Variants in SUCLG2 observed in about 807,000 individuals in gnomAD.
SUCLG2 encodes succinate-CoA ligase GDP-forming subunit beta.
Under a neutral mutation model 47.9 loss-of-function variants are expected in SUCLG2, and 42 were observed. The observed-to-expected ratio is 0.88, with a 90% confidence interval of 0.69 to 1.14. The LOEUF is 1.14. Among genes scored for constraint, SUCLG2 ranks in the 50% most tolerant of loss-of-function variants. The pLI is 0.00. For synonymous variants in SUCLG2, 195 were observed against 197.3 expected, an observed-to-expected ratio of 0.99 and a Z score of 0.10; for missense variants, 571 against 525.9, an observed-to-expected ratio of 1.09 and a Z score of -0.84.
chr3:67,568,755 C>T (rs1437147739), intron 2 of SUCLG2, among the ~76,000 whole-genome samples: 8 of 152,074 alleles, frequency 5.3e-5, no homozygotes, highest in Non-Finnish European at 2.9e-5. Context: ...GGCGTGGTAG[C>T]GGGCGCCTGT....
intron 2 of SUCLG2, among the ~76,000 whole-genome samples, chr3:67,595,293 A>G (rs1708268877): frequency 6.6e-6 from 1 of 152,202 alleles, no homozygotes. Context: ...GTGTAATGTG[A>G]AACACAACAG....
chr3:67,609,434 A>G, intron 2 of SUCLG2, 21 bp downstream of exon 2: 1 of 1,605,292 alleles, frequency 6.2e-7, no homozygotes, highest in Non-Finnish European at 8.5e-7. Flanking sequence ...AGTGTATTTC[A>G]CCCATTATGA....
intron 2 of SUCLG2, among the ~76,000 whole-genome samples, chr3:67,549,864 T>C (rs1052782029): frequency 6.6e-6 from 1 of 152,108 alleles, no homozygotes; most frequent in Non-Finnish European, 1.5e-5. Context: ...CTTTTTTTTT[T>C]AAACTGCAAA....
At chr3:67,413,289 A>C (rs1182001957) in intron 9 of SUCLG2, among the ~76,000 whole-genome samples, 1 of 152,200 alleles carries the variant, frequency 6.6e-6, no homozygotes, top group Non-Finnish European at 1.5e-5. Flanking sequence ...TTAGCCACAA[A>C]CAAAACTAAG....
chr3:67,366,664 C>T (rs1002723378), intron 10 of SUCLG2, among the ~76,000 whole-genome samples: 4 of 152,116 alleles, frequency 2.6e-5, no homozygotes, highest in Admixed American at 6.5e-5. Flanking sequence ...ACCTGAAGCT[C>T]ACCAGCCATA....
At chr3:67,630,245 T>G (rs1700903018) in intron 1 of SUCLG2, among the ~76,000 whole-genome samples, 1 of 152,318 alleles carries the variant, frequency 6.6e-6, no homozygotes, top group East Asian at 1.9e-4. Context: ...CATTATGTTG[T>G]TTAATATTAC....
At chr3:67,617,063 C>A (rs1211033071) in intron 1 of SUCLG2, among the ~76,000 whole-genome samples, 1 of 152,132 alleles carries the variant, frequency 6.6e-6, no homozygotes, top group Admixed American at 6.5e-5. Context: ...GATAAATCTA[C>A]CTTAGTCACG....
chr3:67,618,474 C>A (rs571855256), intron 1 of SUCLG2, among the ~76,000 whole-genome samples: 1 of 152,218 alleles, frequency 6.6e-6, no homozygotes, highest in South Asian at 2.1e-4. Context: ...CTCATTTGAA[C>A]TAGGTTATCC....
chr3:67,611,618 T>C (rs2107316897), intron 1 of SUCLG2, among the ~76,000 whole-genome samples: 1 of 152,310 alleles, frequency 6.6e-6, no homozygotes, highest in South Asian at 2.1e-4. Context: ...ATAGATTATG[T>C]CTACGTTGAC....
At chr3:67,564,562 T>A (rs939018603) in intron 2 of SUCLG2, among the ~76,000 whole-genome samples, 3 of 152,286 alleles carry the variant, frequency 2.0e-5, no homozygotes, top group Admixed American at 6.5e-5. Context: ...GTCTTAATCA[T>A]CTGTGTTTCA....
intron 9 of SUCLG2, among the ~76,000 whole-genome samples, chr3:67,475,581 A>G (rs569049195): frequency 6.6e-6 from 1 of 152,266 alleles, no homozygotes; most frequent in African/African-American, 2.4e-5. Flanking sequence ...TGTGGTCCAA[A>G]CCTTTAAATC....
intron 2 of SUCLG2, among the ~76,000 whole-genome samples, chr3:67,533,706 C>T (rs897249152): frequency 2.0e-5 from 3 of 152,082 alleles, no homozygotes; most frequent in Non-Finnish European, 4.4e-5. Context: ...GTTTGCGTTA[C>T]GACTTCAGAA....
At chr3:67,521,602 T>A (rs1395058998) in intron 4 of SUCLG2, among the ~76,000 whole-genome samples, 1 of 150,564 alleles carries the variant, frequency 6.6e-6, no homozygotes, top group Non-Finnish European at 1.5e-5. Context: ...TTTTTTTTAA[T>A]CTTTTTTTTT....
At chr3:67,531,414 A>C (rs888804251) in intron 2 of SUCLG2, among the ~76,000 whole-genome samples, 13 of 152,302 alleles carry the variant, frequency 8.5e-5, no homozygotes, top group African/African-American at 3.1e-4. Context: ...AGAATACCTA[A>C]TTGGGCATTG....
intron 10 of SUCLG2, among the ~76,000 whole-genome samples, chr3:67,361,735 A>G (rs1460583410): frequency 6.6e-6 from 1 of 152,200 alleles, no homozygotes; most frequent in Non-Finnish European, 1.5e-5. Flanking sequence ...AGCAACTCCT[A>G]CAAAGAGGTA....
intron 9 of SUCLG2, among the ~76,000 whole-genome samples, chr3:67,485,441 G>C (rs909182924): frequency 6.6e-6 from 1 of 152,090 alleles, no homozygotes; most frequent in Admixed American, 6.5e-5. Context: ...GGTTTACAAA[G>C]TTCCACATGC....
At chr3:67,573,941 T>C (rs1707683000) in intron 2 of SUCLG2, among the ~76,000 whole-genome samples, 1 of 152,228 alleles carries the variant, frequency 6.6e-6, no homozygotes, top group Non-Finnish European at 1.5e-5. Context: ...GGAGGCACTA[T>C]GTAGCATCTG....
At chr3:67,379,836 G>A (rs1476231505) in intron 10 of SUCLG2, among the ~76,000 whole-genome samples, 3 of 152,138 alleles carry the variant, frequency 2.0e-5, no homozygotes, top group Non-Finnish European at 4.4e-5. Context: ...AGCAGGGGCT[G>A]GTACAATGAA....
chr3:67,452,437 G>C (rs1704077932), intron 9 of SUCLG2, among the ~76,000 whole-genome samples: 1 of 152,190 alleles, frequency 6.6e-6, no homozygotes, highest in South Asian at 2.1e-4. Context: ...GATTTTATGT[G>C]AATGAGTGCT....
Sources: allele counts gnomAD v4.1 joint callset (sites outside exome capture counted in the v4.1 genomes callset), GRCh38; gene constraint gnomAD v4.1.1; transcripts MANE v1.5; gene names NCBI Gene and HGNC (gene_info 2026-07-23, HGNC 2026-07-21).